Variants in PARD3B observed in about 807,000 individuals in gnomAD.
The protein encoded by PARD3B is partitioning defective 3 homolog B.
A neutral mutation model predicts 130.2 loss-of-function variants in PARD3B; 103 were observed. That is an observed-to-expected ratio of 0.79 (90% confidence interval 0.67 to 0.93). PARD3B has a LOEUF of 0.93. Among genes scored for constraint, PARD3B ranks in the 40% least tolerant of loss-of-function variants. The pLI is 0.00. For synonymous variants in PARD3B, 583 were observed against 553.2 expected, an observed-to-expected ratio of 1.05 and a Z score of -0.76; for missense variants, 1,609 against 1,499.2, an observed-to-expected ratio of 1.07 and a Z score of -1.21.
chr2:205,305,032 C>T (rs1236496633), intron 18 of PARD3B, among the ~76,000 whole-genome samples: 3 of 152,166 alleles, frequency 2.0e-5, no homozygotes, highest in Non-Finnish European at 4.4e-5. Context: ...TAAATTGGTC[C>T]ACATCCCATC....
chr2:205,604,366 A>AAG (rs202094490), intron 22 of PARD3B, among the ~76,000 whole-genome samples: 1 of 152,196 alleles, frequency 6.6e-6, no homozygotes, highest in South Asian at 2.1e-4. Flanking sequence ...GCAGCAGGCA[A>AAG]AGAGAGAGAG....
At chr2:204,797,113 T>A (rs1050730690) in intron 2 of PARD3B, among the ~76,000 whole-genome samples, 2 of 146,392 alleles carry the variant, frequency 1.4e-5, no homozygotes, top group Non-Finnish European at 3.0e-5. Context: ...AGGTGGAGGT[T>A]ATAGTGAGCA....
intron 10 of PARD3B, among the ~76,000 whole-genome samples, chr2:205,143,862 T>C (rs1403028171): frequency 1.3e-5 from 2 of 152,096 alleles, no homozygotes; most frequent in Admixed American, 1.3e-4. Flanking sequence ...ATGTGTCAAA[T>C]AGAAAATGTG....
At chr2:205,449,611 G>A (rs1003649267) in intron 20 of PARD3B, among the ~76,000 whole-genome samples, 1 of 152,124 alleles carries the variant, frequency 6.6e-6, no homozygotes, top group African/African-American at 2.4e-5. Flanking sequence ...CTTTCTGTGA[G>A]CTGATGTAAT....
intron 2 of PARD3B, among the ~76,000 whole-genome samples, chr2:204,691,958 A>C (rs1222595996): frequency 6.6e-6 from 1 of 152,146 alleles, no homozygotes; most frequent in African/African-American, 2.4e-5. Context: ...TTTTATCAGA[A>C]CATATTATTT....
chr2:205,406,550 A>G (rs1363972456), intron 19 of PARD3B, among the ~76,000 whole-genome samples: 1 of 151,302 alleles, frequency 6.6e-6, no homozygotes, highest in East Asian at 1.9e-4. Flanking sequence ...TCTTAATTAT[A>G]TTTATACATA....
intron 2 of PARD3B, among the ~76,000 whole-genome samples, chr2:204,834,341 A>G (rs1172264313): frequency 6.6e-6 from 1 of 152,170 alleles, no homozygotes; most frequent in Non-Finnish European, 1.5e-5. Context: ...TGGTGTTTGG[A>G]TGGAAGAGGA....
chr2:204,739,421 A>C (rs563853473), intron 2 of PARD3B, among the ~76,000 whole-genome samples: 1 of 152,170 alleles, frequency 6.6e-6, no homozygotes, highest in Non-Finnish European at 1.5e-5. Context: ...CTATTTATTG[A>C]AATGTGTGTG....
intron 2 of PARD3B, among the ~76,000 whole-genome samples, chr2:204,920,969 T>C (rs1383278998): frequency 6.6e-6 from 1 of 152,238 alleles, no homozygotes; most frequent in Admixed American, 6.5e-5. Flanking sequence ...TCACTTGCAG[T>C]GCAGCTGGAA....
chr2:204,574,354 A>G (rs982181803), intron 1 of PARD3B, among the ~76,000 whole-genome samples: 2 of 152,160 alleles, frequency 1.3e-5, no homozygotes, highest in Non-Finnish European at 2.9e-5. Flanking sequence ...TTCATAATAA[A>G]TTTTGTTTGG....
rs551197412 is a variant in PARD3B, at chr2:204,994,379, G to T, written c.394+29056G>T. Among the ~76,000 whole-genome samples, 879 of 106,784 alleles carry T rather than the reference G, an allele frequency of 8.2e-3. 21 individuals carry two copies. Among genetic ancestry groups the T allele is most frequent in the African/African-American group, 0.03 (816 of 26,888 alleles). The allele number at this position is 106,784 out of a possible 152,430, so 70.1% of individuals were successfully genotyped here. ...GAGCAGGTTGTTCAGTTTCCATGTA[G>T]TTGAGCGGCTTTGAGTGAGATTCTT... On this transcript the variant is annotated intron_variant, in intron 3 of 22. Transcript: ENST00000406610.
intron 2 of PARD3B, among the ~76,000 whole-genome samples, chr2:204,707,216 C>T (rs2038209481): frequency 6.6e-6 from 1 of 152,170 alleles, no homozygotes; most frequent in South Asian, 2.1e-4. Flanking sequence ...GAATGGAAAT[C>T]CAGACCACAT....
chr2:205,552,987 C>A lies in PARD3B; in HGVS notation c.3181-337C>A, dbSNP rs566337167. 1.1e-4 allele frequency among the ~76,000 whole-genome samples: 16 copies of A among 151,522 alleles called. No homozygotes were observed. In the South Asian group the frequency reaches 3.1e-3, roughly 30 times the overall value. On this transcript the variant is annotated intron_variant, in intron 21 of 22. Transcript: ENST00000406610. ...CTACCTGTTCAATGTTTCTGTAAAC[C>A]TAAAACTATTCTAAAAACTAAAGTC...
In PARD3B at chr2:205,301,955, T is replaced by C. The variant is rs1286262418; in HGVS notation, c.2630+254T>C. The C allele has an allele frequency of 2.8e-6, 2 of 706,124 alleles. No individual in the cohort carries two copies. Among genetic ancestry groups the C allele is most frequent in the African/African-American group, 3.5e-5 (2 of 57,272 alleles). 43.7% of individuals were successfully genotyped at this position (706,124 alleles called of 1,614,324 possible). On this transcript the variant is annotated intron_variant, in intron 18 of 22. Coordinates refer to ENST00000406610, the MANE Select transcript of PARD3B (RefSeq NM_001302769.2). This position sits in a 1 kb window ranked among gnomAD's most constrained non-coding sequence, Gnocchi z 5.2. ...ACACTATGCCAGGCACGGTGGCTCA[T>C]GCCTGTAATCTCAGTACTTTGGGAG... is the stretch of plus-strand genomic sequence containing the variant.
At chr2:205,346,253 G>GA (rs1174830000) in intron 18 of PARD3B, among the ~76,000 whole-genome samples, 1 of 151,588 alleles carries the variant, frequency 6.6e-6, no homozygotes, top group Non-Finnish European at 1.5e-5. Context: ...GCTTCTCCTA[G>GA]AAAAATTAGG....
In PARD3B at chr2:204,664,825, C is replaced by T. The variant is rs1253028081; in HGVS notation, c.121-21356C>T. Among the ~76,000 whole-genome samples, 1 of 152,174 alleles carries T rather than the reference C, an allele frequency of 6.6e-6. No individual in the cohort carries two copies. Among genetic ancestry groups the T allele is most frequent in the African/African-American group, 2.4e-5 (1 of 41,432 alleles). ...GTGAATGCATACAGGATGAGGTAGC[C>T]TGAAACAGTTTGAGGTATAATCAGT... On this transcript the variant is annotated intron_variant, in intron 1 of 22. Coordinates refer to ENST00000406610, the MANE Select transcript of PARD3B (RefSeq NM_001302769.2). This position sits in a 1 kb window ranked among gnomAD's most constrained non-coding sequence, Gnocchi z 5.2.
intron 21 of PARD3B, among the ~76,000 whole-genome samples, chr2:205,551,499 C>T (rs771086162): frequency 7.2e-5 from 11 of 152,126 alleles, no homozygotes; most frequent in Non-Finnish European, 1.3e-4. Flanking sequence ...AAGTCTTCGT[C>T]CCTACCTACG....
intron 2 of PARD3B, among the ~76,000 whole-genome samples, chr2:204,934,429 A>G (rs17535710): frequency 0.055 from 8,397 of 152,288 alleles, 267 homozygotes; most frequent in Middle Eastern, 0.11. Context: ...TTTTGGAACA[A>G]TGCAAATGCA....
chr2:204,927,839 C>CATAG (rs1553560665), intron 2 of PARD3B, among the ~76,000 whole-genome samples: 2 of 141,878 alleles, frequency 1.4e-5, no homozygotes, highest in Non-Finnish European at 3.2e-5. Flanking sequence ...TAGGTAGGTA[C>CATAG]GTAGGTAGGT....
Sources: allele counts gnomAD v4.1 joint callset (sites outside exome capture counted in the v4.1 genomes callset), GRCh38; gene constraint gnomAD v4.1.1; non-coding constraint Gnocchi (gnomAD v3.1); transcripts MANE v1.5; gene names NCBI Gene and HGNC (gene_info 2026-07-23, HGNC 2026-07-21).